Variants in LCORL observed in about 807,000 individuals in gnomAD.
The protein encoded by LCORL is ligand-dependent nuclear receptor corepressor-like protein.
In LCORL, 41 loss-of-function variants were observed where a neutral mutation model predicts 141.8. The observed-to-expected ratio is 0.29, with a 90% CI of 0.23 to 0.38. The LOEUF is 0.38. Among genes scored for constraint, LCORL ranks in the 10% least tolerant of loss-of-function variants. The pLI, the probability that LCORL is intolerant of heterozygous loss-of-function variation, is 1.00. For missense variants in LCORL, 1,759 were observed against 2,035.0 expected (o/e 0.86, Z 2.61); for synonymous variants, 618 against 694.1 (o/e 0.89, Z 1.72).
intron 4 of LCORL, among the ~76,000 whole-genome samples, chr4:17,948,286 T>C (rs1739199712): frequency 6.6e-6 from 1 of 152,014 alleles, no homozygotes; most frequent in Non-Finnish European, 1.5e-5. Context: ...GTTATTTATG[T>C]AAGGAATCTG....
At chr4:17,870,831 T>G (rs1726258463) in intron 7 of LCORL, among the ~76,000 whole-genome samples, 1 of 152,184 alleles carries the variant, frequency 6.6e-6, no homozygotes, top group African/African-American at 2.4e-5. Flanking sequence ...CTGCCTCCTT[T>G]CCATGTGCAC....
chr4:17,972,354 G>A (rs1402717474), intron 2 of LCORL, among the ~76,000 whole-genome samples: 2 of 151,610 alleles, frequency 1.3e-5, no homozygotes, highest in African/African-American at 4.8e-5. Context: ...CAATATTCAC[G>A]TGTTTCACTA....
intron 5 of LCORL, among the ~76,000 whole-genome samples, chr4:17,892,218 T>C (rs1358028839): frequency 6.7e-6 from 1 of 149,078 alleles, no homozygotes; most frequent in Non-Finnish European, 1.5e-5. Context: ...TCTTTTTTTT[T>C]TTTTTTTTGA....
intron 4 of LCORL, among the ~76,000 whole-genome samples, chr4:17,928,585 T>A (rs936726885): frequency 2.0e-5 from 3 of 152,176 alleles, no homozygotes; most frequent in African/African-American, 7.2e-5. Flanking sequence ...GAAAATGTCC[T>A]TAATCTCATT....
chr4:17,929,720 C>T (rs1166926877), intron 4 of LCORL, among the ~76,000 whole-genome samples: 1 of 152,106 alleles, frequency 6.6e-6, no homozygotes, highest in African/African-American at 2.4e-5. Flanking sequence ...TTTCTTAGAT[C>T]TGACACTAAA....
chr4:18,011,494 C>T (rs1435143152), intron 1 of LCORL, among the ~76,000 whole-genome samples: 1 of 151,334 alleles, frequency 6.6e-6, no homozygotes, highest in Non-Finnish European at 1.5e-5. Flanking sequence ...ATAATTTATA[C>T]TTCCAGTCCT....
At chr4:18,012,080 T>G (rs139441235) in intron 1 of LCORL, among the ~76,000 whole-genome samples, 4 of 152,224 alleles carry the variant, frequency 2.6e-5, no homozygotes, top group Admixed American at 6.5e-5. Flanking sequence ...ACAAACACTT[T>G]TCACATTCTT....
chr4:18,004,147 T>C (rs1041101192), intron 1 of LCORL, among the ~76,000 whole-genome samples: 1 of 152,230 alleles, frequency 6.6e-6, no homozygotes, highest in Non-Finnish European at 1.5e-5. Context: ...TAAGACAAAC[T>C]AGCAAATAGC....
At chr4:18,019,092 GT>G (rs1181428098) in intron 1 of LCORL, among the ~76,000 whole-genome samples, 1 of 152,318 alleles carries the variant, frequency 6.6e-6, no homozygotes, top group African/African-American at 2.4e-5. Context: ...TGTATACTCT[GT>G]TTAAATGGAT....
chr4:17,961,155 A>G (rs183122254), intron 4 of LCORL, among the ~76,000 whole-genome samples: 12 of 152,246 alleles, frequency 7.9e-5, no homozygotes, highest in Admixed American at 2.0e-4. Flanking sequence ...GTTGAGAGAG[A>G]GAATAATCCC....
intron 4 of LCORL, among the ~76,000 whole-genome samples, chr4:17,911,253 A>C (rs1328311107): frequency 6.6e-6 from 1 of 152,232 alleles, no homozygotes; most frequent in Non-Finnish European, 1.5e-5. Flanking sequence ...ATGCAGGCTG[A>C]GCACTTATAT....
At chr4:17,935,413 T>C (rs1055550132) in intron 4 of LCORL, among the ~76,000 whole-genome samples, 1 of 152,178 alleles carries the variant, frequency 6.6e-6, no homozygotes, top group Non-Finnish European at 1.5e-5. Context: ...CCCCTCCAAA[T>C]CTCATGTTGA....
chr4:17,914,785 A>G (rs1733135858), intron 4 of LCORL, among the ~76,000 whole-genome samples: 2 of 152,220 alleles, frequency 1.3e-5, no homozygotes, highest in Non-Finnish European at 2.9e-5. Context: ...TCAGACAAGA[A>G]CAATTATTTT....
chr4:17,843,839 T>TAACA (rs1473420208), exon 8 of LCORL: 1 of 153,718 alleles, frequency 6.5e-6, no homozygotes, highest in Non-Finnish European at 1.5e-5. Flanking sequence ...ATTTAACAAG[T>TAACA]AACATTTCTA....
At chr4:17,948,865 A>C (rs540982960) in intron 4 of LCORL, among the ~76,000 whole-genome samples, 22 of 151,588 alleles carry the variant, frequency 1.5e-4, no homozygotes, top group Non-Finnish European at 2.8e-4. Context: ...TTCAGAGGAG[A>C]AAACGGTACA....
intron 1 of LCORL, among the ~76,000 whole-genome samples, chr4:17,978,893 C>G (rs1399735119): frequency 1.3e-5 from 2 of 152,152 alleles, no homozygotes; most frequent in Non-Finnish European, 2.9e-5. Flanking sequence ...AAAGGCAGAT[C>G]TCTGCCTTCT....
At chr4:17,857,699 A>G (rs981885600) in intron 7 of LCORL, among the ~76,000 whole-genome samples, 6 of 152,236 alleles carry the variant, frequency 3.9e-5, no homozygotes, top group African/African-American at 1.4e-4. Context: ...TTTATCCACT[A>G]GATGCCAATA....
chr4:17,982,151 A>C (rs888411361), intron 1 of LCORL, among the ~76,000 whole-genome samples: 17 of 130,160 alleles, frequency 1.3e-4, no homozygotes, highest in African/African-American at 5.2e-4. Flanking sequence ...TGTGTATACA[A>C]GATATTTTCT....
At chr4:17,985,268 C>T (rs764909308) in intron 1 of LCORL, among the ~76,000 whole-genome samples, 5 of 151,936 alleles carry the variant, frequency 3.3e-5, no homozygotes, top group Admixed American at 6.6e-5. Flanking sequence ...TGGAGAGTCC[C>T]GTAGAGGTCT....
Sources: allele counts gnomAD v4.1 joint callset (sites outside exome capture counted in the v4.1 genomes callset), GRCh38; gene constraint gnomAD v4.1.1; transcripts MANE v1.5; gene names NCBI Gene and HGNC (gene_info 2026-07-23, HGNC 2026-07-21).